SPTBN2: variants seen among roughly 807,000 people sequenced by gnomAD.
SPTBN2 encodes spectrin beta chain, non-erythrocytic 2.
A neutral mutation model predicts 284.2 loss-of-function variants in SPTBN2; 107 were observed. That is an observed-to-expected ratio of 0.38 (90% CI 0.32 to 0.44). SPTBN2 has a LOEUF of 0.44. Among genes scored for constraint, SPTBN2 ranks in the 20% least tolerant of loss-of-function variants. SPTBN2 has a pLI of 1.00. For synonymous variants in SPTBN2, 1,289 were observed against 1,354.8 expected (o/e 0.95, Z 1.07); for missense variants, 2,569 against 3,287.1 (o/e 0.78, Z 5.34).
intron 1 of SPTBN2, 72 bp from the exon 2 acceptor site, chr11:66,721,512 G>A (rs1030364892): frequency 7.1e-5 from 36 of 509,374 alleles, no homozygotes; most frequent in South Asian, 6.6e-4. Flanking sequence ...GCAATGCGGT[G>A]GTCAGGAAAG....
At chr11:66,739,722 G>A (rs1024878784) in intron 1 of SPTBN2, among the ~76,000 whole-genome samples, 2 of 152,152 alleles carry the variant, frequency 1.3e-5, no homozygotes, top group African/African-American at 4.8e-5. Context: ...GCCCTACTTA[G>A]AGATAAGGTA....
intron 3 of SPTBN2, among the ~76,000 whole-genome samples, chr11:66,717,920 GCA>G (rs1483294394): frequency 1.3e-5 from 2 of 152,160 alleles, no homozygotes; most frequent in African/African-American, 4.8e-5. Context: ...GGGCCTGTTT[GCA>G]CAGATCCTCT....
Position 66,693,462 on chromosome 11 carries a change from G to A in SPTBN2, c.4594-16C>T. On this transcript the variant is annotated splice_polypyrimidine_tract_variant and intron_variant, in intron 23 of 37. Transcript: ENST00000533211. This position sits in a 1 kb window ranked among gnomAD's most constrained non-coding sequence, Gnocchi z 5.7. ...TCTGCAGGGTCTGCCCATGGCCACAGAAGAGAAAATGCTGAAAGTCCTGCC... is the reference window on the plus strand; with the variant it reads ...TCTGCAGGGTCTGCCCATGGCCACAAAAGAGAAAATGCTGAAAGTCCTGCC... The A allele has an allele frequency of 1.3e-6, 2 of 1,595,644 alleles. No individual in the cohort carries two copies. Among genetic ancestry groups the A allele is most frequent in the East Asian group, 2.2e-5 (1 of 44,692 alleles).
chr11:66,740,375 T>C (rs758478078), intron 1 of SPTBN2, among the ~76,000 whole-genome samples: 22 of 152,202 alleles, frequency 1.4e-4, no homozygotes, highest in Non-Finnish European at 3.1e-4. Flanking sequence ...GATGCTGTAG[T>C]CCAAGAATTG....
chr11:66,702,649 T>A (rs1437404768), intron 15 of SPTBN2, among the ~76,000 whole-genome samples: 2 of 151,928 alleles, frequency 1.3e-5, no homozygotes, highest in Non-Finnish European at 2.9e-5. Context: ...AGTAAAACTT[T>A]ATTTACAGAC....
In SPTBN2 at chr11:66,707,606, G is replaced by T; in HGVS notation, c.1563C>A (p.Ala521=). 6.2e-7 allele frequency: 1 copy of T among 1,611,486 alleles called. No individual in the cohort carries two copies. ...TGAGGAGGAGCCGCTCCCGCCGGGCGGCCACCATCTGCCGCAAGAAGTCCC... is the reference window on the plus strand; with the variant it reads ...TGAGGAGGAGCCGCTCCCGCCGGGCTGCCACCATCTGCCGCAAGAAGTCCC... ...RLWDFLRQMV[A]ARRERLLLNL... The change falls in exon 13 of 38, where the codon GCC becomes GCA. Residue 521 remains alanine, a synonymous_variant. Coordinates refer to ENST00000533211, the MANE Select transcript of SPTBN2 (RefSeq NM_006946.4). This position sits in a 1 kb window ranked among gnomAD's most constrained non-coding sequence, Gnocchi z 4.9.
intron 16 of SPTBN2, 127 bp from the exon 17 acceptor site, chr11:66,701,409 C>A: frequency 6.7e-7 from 1 of 1,502,224 alleles, no homozygotes; most frequent in African/African-American, 1.4e-5. Flanking sequence ...CGCTTCAGAC[C>A]ACCTTGACCC....
chr11:66,730,788 T>C (rs553794714), upstream of SPTBN2, among the ~76,000 whole-genome samples: 4 of 152,220 alleles, frequency 2.6e-5, no homozygotes, highest in Admixed American at 6.5e-5. Flanking sequence ...TTCATAATCC[T>C]TCAAGAAGCC....
Position 66,694,265 on chromosome 11 carries a change from C to T in SPTBN2, c.4377G>A (p.Val1459=), listed in dbSNP as rs773984236. ...LAQEDQGAGE[V]ERTSRAVEEK... The stretch of plus-strand genomic sequence containing the variant: ...CCTCCACGGCCCTCGAGGTTCTCTC[C>T]ACCTCCCCTGCACCCTGGTCCTCCT... The change falls in exon 22 of 38, where the codon GTG becomes GTA. Residue 1459 remains valine, a synonymous_variant. Transcript: ENST00000533211. 1.2e-6 allele frequency: 2 copies of T among 1,614,230 alleles called. No individual in the cohort carries two copies. The highest frequency in any genetic ancestry group is 1.7e-6 in the Non-Finnish European group (2 of 1,180,036).
rs756311388 is a variant in SPTBN2, at chr11:66,700,859, C to A, written c.3240G>T (p.Trp1080Cys). 6.9e-6 allele frequency: 11 copies of A among 1,600,106 alleles called. No individual in the cohort carries two copies. Among genetic ancestry groups the A allele is most frequent in the Non-Finnish European group, 9.3e-6 (11 of 1,179,844 alleles). ...CCACAGCAGTCTGAGTGCGGCCTAG[C>A]CAGGCCTGGAAGTCATCCAAGCTGC... Reference protein sequence around the residue: ...FLRSLDDFQAWLGRTQTAVAS... With the variant: ...FLRSLDDFQACLGRTQTAVAS... Residue 1080 changes from tryptophan (W) to cysteine (C), a missense_variant, in exon 17 of 38, where the codon TGG becomes TGT. Coordinates refer to ENST00000533211, the MANE Select transcript of SPTBN2 (RefSeq NM_006946.4). This position sits in a 1 kb window ranked among gnomAD's most constrained non-coding sequence, Gnocchi z 6.6.
intron 13 of SPTBN2, among the ~76,000 whole-genome samples, chr11:66,706,632 CTTT>C (rs1261017116): frequency 6.0e-5 from 8 of 133,354 alleles, no homozygotes; most frequent in African/African-American, 8.3e-5. Context: ...TGCCTAGCTG[CTTT>C]TTTTTTTTTT....
At chr11:66,720,647 G>A (rs1942353966) in intron 3 of SPTBN2, among the ~76,000 whole-genome samples, 1 of 152,188 alleles carries the variant, frequency 6.6e-6, no homozygotes, top group South Asian at 2.1e-4. Context: ...GAAGGAACAG[G>A]TGGAGAGGGA....
rs1485001320 is a variant in SPTBN2, at chr11:66,693,875, A to T, written c.4504-14T>A. On this transcript the variant is annotated splice_polypyrimidine_tract_variant and intron_variant, in intron 22 of 37. Coordinates refer to ENST00000533211, the MANE Select transcript of SPTBN2 (RefSeq NM_006946.4). The surrounding 1 kb of genome is among the most constrained non-coding windows in gnomAD (Gnocchi z 5.7). ...TGTCACCCACAACTGGAAGAGGAAGAGGGGGTCAGTGGAGGCCCAGAGGGC... is the reference window on the plus strand; with the variant it reads ...TGTCACCCACAACTGGAAGAGGAAGTGGGGGTCAGTGGAGGCCCAGAGGGC... 6.2e-6 allele frequency: 10 copies of T among 1,612,816 alleles called. No individual in the cohort carries two copies. The Admixed American group carries it at 1.7e-4, about 27-fold the overall frequency.
Position 66,684,737 on chromosome 11 carries a change from TG to T in SPTBN2, c.*1133del, listed in dbSNP as rs1471398349. On this transcript the variant is annotated 3_prime_UTR_variant, in exon 38 of 38. Coordinates refer to ENST00000533211, the MANE Select transcript of SPTBN2 (RefSeq NM_006946.4). ...GCTTCCCAGAGTGACTTCATTCTGTTGATCAGTTTATTGGAACCTGCCACTT... is the reference window on the plus strand; with the variant it reads ...GCTTCCCAGAGTGACTTCATTCTGTTATCAGTTTATTGGAACCTGCCACTT... 6.6e-6 allele frequency among the ~76,000 whole-genome samples: 1 copy of T among 152,140 alleles called. No individual in the cohort carries two copies. Among genetic ancestry groups the T allele is most frequent in the Non-Finnish European group, 1.5e-5 (1 of 68,028 alleles).
chr11:66,710,516 T>C lies in SPTBN2; in HGVS notation c.1073+66A>G. 1.3e-6 allele frequency: 2 copies of C among 1,546,352 alleles called. No individual in the cohort carries two copies. The highest frequency in any genetic ancestry group is 1.2e-5 in the South Asian group (1 of 85,824). ...GCCAAATTTCCCTCCCTGAAGGCTG[T>C]GCTAATTTAGGCTTCCTCTCGTGGG... is the stretch of plus-strand genomic sequence containing the variant. On this transcript the variant is annotated intron_variant, in intron 10 of 37. Transcript: ENST00000533211. This position sits in a 1 kb window ranked among gnomAD's most constrained non-coding sequence, Gnocchi z 4.9.
upstream of SPTBN2, among the ~76,000 whole-genome samples, chr11:66,732,475 C>G (rs1361226416): frequency 6.6e-6 from 1 of 152,036 alleles, no homozygotes; most frequent in East Asian, 1.9e-4. Context: ...CAGTGAAACC[C>G]CTTTTCTACT....
intron 1 of SPTBN2, among the ~76,000 whole-genome samples, chr11:66,736,398 T>A (rs1466629239): frequency 1.3e-5 from 2 of 152,184 alleles, no homozygotes; most frequent in African/African-American, 4.8e-5. Context: ...CAAACGATTT[T>A]TAACTTGCAA....
At position 66,686,014 on chromosome 11, in the gene SPTBN2, T is replaced by G. The variant is rs148840695; in HGVS notation, c.7030A>C (p.Ser2344Arg). 2.0e-5 allele frequency: 32 copies of G among 1,613,518 alleles called. No homozygotes were observed. Among genetic ancestry groups the G allele is most frequent in the African/African-American group, 2.7e-5 (2 of 74,900 alleles). The change falls in exon 38 of 38, where the codon AGC becomes CGC. Residue 2344 changes from serine to arginine, a missense_variant. This residue lies in a region of SPTBN2 where 1,130 missense variants were observed against 1,317.3 expected (regional missense o/e 0.86). Coordinates refer to ENST00000533211, the MANE Select transcript of SPTBN2 (RefSeq NM_006946.4). ...GCCCGGGTCATGCCCCGGGTGGTGCTGGGCACCACCGGCTCTTCAGGCTCT... is the reference window on the plus strand; with the variant it reads ...GCCCGGGTCATGCCCCGGGTGGTGCGGGGCACCACCGGCTCTTCAGGCTCT... ...SGEPEEPVVP[S>R]TTRGMTRAMT...
At chr11:66,690,008 C>CGGGTT in intron 28 of SPTBN2, 31 bp downstream of exon 28, 1 of 1,614,218 alleles carries the variant, frequency 6.2e-7, no homozygotes, top group Non-Finnish European at 8.5e-7. Flanking sequence ...GCCACACAAC[C>CGGGTT]CGTGGAGGCC....
Sources: gnomAD v4.1 joint callset for allele counts (sites outside exome capture counted in the v4.1 genomes callset) on GRCh38, gnomAD v4.1.1 for gene constraint, gnomAD v4.1.1 regional missense constraint, Gnocchi (gnomAD v3.1) non-coding constraint, MANE v1.5 for transcripts, NCBI Gene and HGNC (gene_info 2026-07-23, HGNC 2026-07-21) for gene names.